Variants in DENND1C observed in about 807,000 individuals in gnomAD.
DENND1C encodes DENN domain containing 1C.
A neutral mutation model predicts 87.9 loss-of-function variants in DENND1C; 64 were observed. The observed-to-expected ratio is 0.73, with a 90% confidence interval of 0.60 to 0.90. The LOEUF (loss-of-function observed/expected upper bound fraction) is 0.90. DENND1C is among the 40% of genes least tolerant of loss of function. DENND1C has a pLI of 0.00. For missense variants in DENND1C, 980 were observed against 1,037.0 expected (o/e 0.95, Z 0.76); for synonymous variants, 384 against 424.4 (o/e 0.90, Z 1.17).
In DENND1C at chr19:6,481,787, T is replaced by C; in HGVS notation, c.-92A>G. 10 of 1,413,528 alleles carry C rather than the reference T, an allele frequency of 7.1e-6. No individual in the cohort carries two copies. The highest frequency in any genetic ancestry group is 3.0e-5 in the Admixed American group (1 of 32,800). The allele number at this position is 1,413,528 out of a possible 1,614,324, so 87.6% of individuals were successfully genotyped here. ...CCCCAAGCCGGCTCAGCTTCCTGTG[T>C]GGCTGAGAGAGGAAGTTTAACGGGT... On this transcript the variant is annotated 5_prime_UTR_variant, in exon 1 of 23. Coordinates refer to ENST00000381480, the MANE Select transcript of DENND1C (RefSeq NM_024898.4).
rs1482833524 is a variant in DENND1C, at chr19:6,468,631, G to T, written c.1530C>A (p.Arg510=). The T allele has an allele frequency of 2.0e-6, 3 of 1,493,646 alleles. No homozygotes were observed. Among genetic ancestry groups the T allele is most frequent in the Non-Finnish European group, 2.7e-6 (3 of 1,124,990 alleles). 92.5% of individuals were successfully genotyped at this position (1,493,646 alleles called of 1,614,324 possible). ...CTTCCAGCTGGCGTCTCCTGCTGGG[G>T]CGAAGGGGCCGGTTCTGCAAAGGGT... ...TQHFGKNRPL[R]PSRRRQLEEG... The change falls in exon 21 of 23, where the codon CGC becomes CGA. Residue 510 remains arginine (R), a synonymous_variant. Transcript: ENST00000381480.
At chr19:6,481,487 G>GA (rs35248709) in intron 1 of DENND1C, among the ~76,000 whole-genome samples, 192 bp downstream of exon 1, 1 of 149,298 alleles carries the variant, frequency 6.7e-6, no homozygotes, top group Admixed American at 6.7e-5. Context: ...GAGAGAGAGA[G>GA]GAGGGGACCG....
chr19:6,471,093 C>T (rs758431392), intron 17 of DENND1C, among the ~76,000 whole-genome samples, 172 bp downstream of exon 17: 50 of 152,132 alleles, frequency 3.3e-4, no homozygotes, highest in Non-Finnish European at 4.4e-4. Context: ...GTAGCTGGGA[C>T]TACAGCTACA....
At position 6,470,084 on chromosome 19, in the gene DENND1C, G is replaced by A. The variant is rs535779998; in HGVS notation, c.1362+211C>T. On this transcript the variant is annotated intron_variant, in intron 18 of 22. Transcript: ENST00000381480. ...CCGTGGGCGGGGCGGAGGGGGGCGG[G>A]TAGGATTCCAACAAAAAATGAGTAT... 1.3e-5 allele frequency: 7 copies of A among 535,826 alleles called. No individual in the cohort carries two copies. In the South Asian group the frequency reaches 1.7e-4, roughly 13 times the overall value. The allele number at this position is 535,826 out of a possible 1,614,324, so 33.2% of individuals were successfully genotyped here. A position where few individuals can be genotyped will look rare whatever the true frequency, so the allele number is the denominator to read the frequency against.
Position 6,476,905 on chromosome 19 carries a change from C to A in DENND1C, c.630G>T (p.Ala210=). ...GCAGGACTCTTCTCTCGGCCAGGAG[C>A]GCCGCGAACAGCCCCACGATGTTCT... ...TDENIVGLFA[A]LLAERRVLLT... is the part of the protein sequence containing the mutation. Residue 210 remains alanine (A), a synonymous_variant, in exon 10 of 23, where the codon GCG becomes GCT. Transcript: ENST00000381480. The A allele has an allele frequency of 6.2e-7, 1 of 1,613,310 alleles. No homozygotes were observed. Among genetic ancestry groups the A allele is most frequent in the African/African-American group, 1.3e-5 (1 of 75,026 alleles).
At chr19:6,472,104 C>T (rs113034712) in intron 15 of DENND1C, among the ~76,000 whole-genome samples, 2,430 of 152,238 alleles carry the variant, frequency 0.016, 63 homozygotes, top group African/African-American at 0.055. Flanking sequence ...GTAGGTGGAC[C>T]CCATCTTTAG....
At chr19:6,481,641 A>G in intron 1 of DENND1C, 38 bp downstream of exon 1, 1 of 1,611,936 alleles carries the variant, frequency 6.2e-7, no homozygotes, top group Non-Finnish European at 8.5e-7. Context: ...TGGCCCGGGA[A>G]TCTTGTACCA....
At chr19:6,479,100 G>A in intron 4 of DENND1C, 44 bp from the exon 5 acceptor site, 1 of 1,609,804 alleles carries the variant, frequency 6.2e-7, no homozygotes, top group Non-Finnish European at 8.5e-7. Flanking sequence ...CATCCCAGCT[G>A]TCTGAGGATG....
In DENND1C at chr19:6,471,304, C is replaced by A. The variant is rs772184055; in HGVS notation, c.1251G>T (p.Gly417=). 10 of 1,597,904 alleles carry A rather than the reference C, an allele frequency of 6.3e-6. No individual in the cohort carries two copies. Among genetic ancestry groups the A allele is most frequent in the Non-Finnish European group, 7.7e-6 (9 of 1,172,336 alleles). The part of the protein sequence containing the change: ...QEITGCGASS[G]ALRSYQLWAD... Reference sequence around the variant, plus strand: ...CCCAGAGCTGATAGGATCGAAGGGCCCCTGGGGTAAGGAGAGAGTGTGGTG... The same window carrying A: ...CCCAGAGCTGATAGGATCGAAGGGCACCTGGGGTAAGGAGAGAGTGTGGTG... Residue 417 remains glycine, a splice_region_variant and synonymous_variant, in exon 17 of 23, where the codon GGG becomes GGT. Coordinates refer to ENST00000381480, the MANE Select transcript of DENND1C (RefSeq NM_024898.4).
rs958513982 is a variant in DENND1C at position 6,476,947 on chromosome 19, C to G, written c.588G>C (p.Val196=). The G allele has an allele frequency of 1.2e-6, 2 of 1,613,720 alleles. No homozygotes were observed. The highest frequency in any genetic ancestry group is 3.3e-5 in the Admixed American group (2 of 60,012). The change falls in exon 10 of 23, where the codon GTG becomes GTC. Residue 196 remains valine (V), a synonymous_variant. Coordinates refer to ENST00000381480, the MANE Select transcript of DENND1C (RefSeq NM_024898.4). Reference sequence around the variant, plus strand: ...CGATGTTCTCGTCAGTCACGGCCACCACCAGCTCCGTTAGGTTCCTCTGAG... The same window carrying G: ...CGATGTTCTCGTCAGTCACGGCCACGACCAGCTCCGTTAGGTTCCTCTGAG... ...IPENRNLTEL[V]VAVTDENIVG...
At position 6,470,513 on chromosome 19, in the gene DENND1C, C is replaced by T. The variant is rs2092821696; in HGVS notation, c.1291-147G>A. 3 of 727,208 alleles carry T rather than the reference C, an allele frequency of 4.1e-6. No homozygotes were observed. In the South Asian group the frequency reaches 5.4e-5, roughly 13 times the overall value. The allele number at this position is 727,208 out of a possible 1,614,324, so 45.0% of individuals were successfully genotyped here. A position where few individuals can be genotyped will look rare whatever the true frequency, so the allele number is the denominator to read the frequency against. Reference sequence around the variant, plus strand: ...AATGAACATGATCGTAGTCATGACCCTACCTGGTGACTTGCGGAGTTAAAT... The same window carrying T: ...AATGAACATGATCGTAGTCATGACCTTACCTGGTGACTTGCGGAGTTAAAT... On this transcript the variant is annotated intron_variant, in intron 17 of 22. Coordinates refer to ENST00000381480, the MANE Select transcript of DENND1C (RefSeq NM_024898.4).
intron 10 of DENND1C, chr19:6,476,355 C>T: frequency 5.3e-6 from 1 of 189,384 alleles, no homozygotes; most frequent in Non-Finnish European, 1.1e-5. Flanking sequence ...ATCATTTGGC[C>T]CCGCCCCTAG....
chr19:6,468,067 G>A lies in DENND1C; in HGVS notation c.1843C>T (p.Pro615Ser). ...PDDKKLPEPE[P>S]QPLSLPSLQN... Reference sequence around the variant, plus strand: ...AGGGATGGCAGGGAAAGGGGCTGGGGCTCCGGCTCTGGTAGTTTCTTATCG... The same window carrying A: ...AGGGATGGCAGGGAAAGGGGCTGGGACTCCGGCTCTGGTAGTTTCTTATCG... Residue 615 changes from proline (P) to serine (S), a missense_variant, in exon 23 of 23, where the codon CCC becomes TCC. By Grantham distance (74) the Pro-to-Ser change is moderately conservative. Transcript: ENST00000381480. 6.2e-7 allele frequency: 1 copy of A among 1,613,926 alleles called. No homozygotes were observed. Among genetic ancestry groups the A allele is most frequent in the Non-Finnish European group, 8.5e-7 (1 of 1,179,868 alleles).
chr19:6,470,096 C>CA, intron 18 of DENND1C, 199 bp downstream of exon 18: 1 of 579,512 alleles, frequency 1.7e-6, no homozygotes, highest in Non-Finnish European at 2.9e-6. Context: ...AGGATTCCAA[C>CA]AAAAAATGAG....
intron 14 of DENND1C, among the ~76,000 whole-genome samples, chr19:6,474,384 G>A (rs1312707138): frequency 6.6e-6 from 1 of 152,052 alleles, no homozygotes; most frequent in Non-Finnish European, 1.5e-5. Context: ...ATGCTCAAGT[G>A]ATACTAGAAC....
rs118114458 is a variant in DENND1C at position 6,478,078 on chromosome 19, G to T, written c.367-620C>A. On this transcript the variant is annotated intron_variant, in intron 6 of 22. Transcript: ENST00000381480. ...CGACAGAGGAAGACTCCATCTAAAA[G>T]AAATTTTTTTTCTTGAGACAGGGTC... 3.8e-3 allele frequency among the ~76,000 whole-genome samples: 573 copies of T among 151,726 alleles called. 1 individual carries two copies. The highest frequency in any genetic ancestry group is 6.4e-3 in the Non-Finnish European group (433 of 67,902).
chr19:6,481,733 A>G lies in DENND1C; in HGVS notation c.-38T>C, dbSNP rs1913582693. The G allele has an allele frequency of 6.5e-7, 1 of 1,539,974 alleles. No homozygotes were observed. The highest frequency in any genetic ancestry group is 8.7e-7 in the Non-Finnish European group (1 of 1,146,894). On this transcript the variant is annotated 5_prime_UTR_variant, in exon 1 of 23. Coordinates refer to ENST00000381480, the MANE Select transcript of DENND1C (RefSeq NM_024898.4). ...GCCAGCCCAGCGGGGCCCTCTCCCC[A>G]GGGGTCCTGGGGGCCTGTGTATGCT...
At chr19:6,473,499 C>T (rs1156862671) in intron 14 of DENND1C, among the ~76,000 whole-genome samples, 1 of 139,498 alleles carries the variant, frequency 7.2e-6, no homozygotes, top group African/African-American at 2.7e-5. Context: ...GAGTCAGGGT[C>T]TCACTCTGTC....
chr19:6,475,611 C>T (rs993538235), intron 12 of DENND1C, 26 bp from the exon 13 acceptor site: 2 of 1,613,796 alleles, frequency 1.2e-6, no homozygotes, highest in African/African-American at 2.7e-5. Flanking sequence ...GTCGGCCGCT[C>T]AGAGCCCGGG....
Sources: gnomAD v4.1 joint callset for allele counts (sites outside exome capture counted in the v4.1 genomes callset) on GRCh38, gnomAD v4.1.1 for gene constraint, MANE v1.5 for transcripts, NCBI Gene and HGNC (gene_info 2026-07-23, HGNC 2026-07-21) for gene names.